The following MNAT1 variants were observed in gnomAD, a reference collection of about 807,000 sequenced individuals.
The protein encoded by MNAT1 is CDK-activating kinase assembly factor MAT1.
In MNAT1, 43 loss-of-function variants were observed where a neutral mutation model predicts 42.0. The ratio of observed to expected loss-of-function variants is 1.02; its 90% CI spans 0.80 to 1.32. The LOEUF is 1.32. MNAT1 is among the 40% of genes most tolerant of loss of function. The pLI, the probability that MNAT1 is intolerant of heterozygous loss-of-function variation, is 0.00. For missense variants in MNAT1, 306 were observed against 350.4 expected, an observed-to-expected ratio of 0.87 and a Z score of 1.01; for synonymous variants, 118 against 120.0, an observed-to-expected ratio of 0.98 and a Z score of 0.11.
At chr14:60,765,113 T>C (rs1367856019) in intron 1 of MNAT1, among the ~76,000 whole-genome samples, 1 of 152,168 alleles carries the variant, frequency 6.6e-6, no homozygotes, top group Non-Finnish European at 1.5e-5. Context: ...TTAGCTGGGC[T>C]TGCGGCGCAT....
intron 7 of MNAT1, among the ~76,000 whole-genome samples, chr14:60,952,943 C>T (rs945500857): frequency 2.6e-5 from 4 of 151,848 alleles, no homozygotes; most frequent in Non-Finnish European, 5.9e-5. Flanking sequence ...GAGTGTGGCC[C>T]GGGGCATAGA....
rs2030646355 is a variant in MNAT1, at chr14:60,762,538, T to G, written c.89+27587T>G. 2.6e-5 allele frequency among the ~76,000 whole-genome samples: 4 copies of G among 151,992 alleles called. 1 individual carries two copies. In the South Asian group the frequency reaches 8.3e-4, roughly 32 times the overall value. On this transcript the variant is annotated intron_variant, in intron 1 of 7. Transcript: ENST00000261245. ...AATGACATCTCTACTAAATGTCATC[T>G]CTACTAAAAATACAAAAATTAGCCA...
chr14:60,794,968 C>T (rs1439813229), intron 1 of MNAT1, among the ~76,000 whole-genome samples: 1 of 151,878 alleles, frequency 6.6e-6, no homozygotes, highest in Non-Finnish European at 1.5e-5. Flanking sequence ...ACAAGATAGG[C>T]AACATTCTGT....
intron 7 of MNAT1, among the ~76,000 whole-genome samples, chr14:60,935,167 C>T (rs1188993332): frequency 1.3e-5 from 2 of 152,064 alleles, no homozygotes; most frequent in Non-Finnish European, 2.9e-5. Flanking sequence ...CAGTTAGTTT[C>T]ACTATATGTA....
rs2033098033 is a variant in MNAT1, at chr14:60,827,837, A to G, written c.687+8990A>G. Among the ~76,000 whole-genome samples, 3 of 152,174 alleles carry G rather than the reference A, an allele frequency of 2.0e-5. No individual in the cohort carries two copies. In the South Asian group the frequency reaches 6.2e-4, roughly 32 times the overall value. ...TTAACTAGGTGAGTATCAGGTGATT[A>G]CTTTCTCTTAGCTTTTAAATGTCTC... is the stretch of plus-strand genomic sequence containing the variant. On this transcript the variant is annotated intron_variant, in intron 6 of 7. Coordinates refer to ENST00000261245, the MANE Select transcript of MNAT1 (RefSeq NM_002431.4).
chr14:60,810,432 A>G (rs545901632), intron 4 of MNAT1, among the ~76,000 whole-genome samples: 1 of 152,144 alleles, frequency 6.6e-6, no homozygotes, highest in South Asian at 2.1e-4. Context: ...ATGTAAAGCC[A>G]GGTTGTTATT....
intron 7 of MNAT1, among the ~76,000 whole-genome samples, chr14:60,914,970 A>G (rs574533453): frequency 1.3e-5 from 2 of 152,380 alleles, no homozygotes; most frequent in East Asian, 3.9e-4. Flanking sequence ...CTAGATGACC[A>G]GCCAGCGTTG....
At chr14:60,774,180 T>C (rs1323909832) in intron 1 of MNAT1, among the ~76,000 whole-genome samples, 1 of 152,134 alleles carries the variant, frequency 6.6e-6, no homozygotes, top group African/African-American at 2.4e-5. Context: ...GGAGGAAGAC[T>C]TAGGAGTAGG....
intron 6 of MNAT1, among the ~76,000 whole-genome samples, chr14:60,864,469 G>A (rs960568598): frequency 6.6e-6 from 1 of 151,946 alleles, no homozygotes; most frequent in Non-Finnish European, 1.5e-5. Flanking sequence ...TAAAATCTGA[G>A]TAGGTTACTT....
intron 6 of MNAT1, among the ~76,000 whole-genome samples, chr14:60,854,882 G>A (rs1305297271): frequency 2.0e-5 from 3 of 152,144 alleles, no homozygotes; most frequent in Non-Finnish European, 4.4e-5. Context: ...GAGCTGGCAG[G>A]CAGGAACAAT....
rs149812414 is a variant in MNAT1, at chr14:60,853,029, G to A, written c.688-26685G>A. On this transcript the variant is annotated intron_variant, in intron 6 of 7. Transcript: ENST00000261245. ...GCTTAGGATTGTCTTGGCTATACAG[G>A]CTCTTTTTTGGTTCCATATGAAATT... Among the ~76,000 whole-genome samples the A allele has an allele frequency of 4.5e-3, 682 of 152,210 alleles. 25 individuals are homozygous for A. The East Asian group carries it at 0.087, about 20-fold the overall frequency.
At chr14:60,767,767 T>G (rs1429155597) in intron 1 of MNAT1, among the ~76,000 whole-genome samples, 2 of 18,048 alleles carry the variant, frequency 1.1e-4, no homozygotes, top group Non-Finnish European at 1.6e-4. Flanking sequence ...CACTTGGCTA[T>G]TTTTTTTGTT....
chr14:60,945,168 A>G (rs2036246769), intron 7 of MNAT1, among the ~76,000 whole-genome samples: 1 of 152,216 alleles, frequency 6.6e-6, no homozygotes, highest in African/African-American at 2.4e-5. Context: ...GGTATACTTC[A>G]GGGGTTAAGA....
chr14:60,887,143 T>C (rs1407311883), intron 7 of MNAT1, among the ~76,000 whole-genome samples: 1 of 152,198 alleles, frequency 6.6e-6, no homozygotes, highest in Non-Finnish European at 1.5e-5. Context: ...TTCATTCTAT[T>C]GATGAGTTGT....
At chr14:60,856,552 C>T (rs1184444752) in intron 6 of MNAT1, among the ~76,000 whole-genome samples, 4 of 152,120 alleles carry the variant, frequency 2.6e-5, no homozygotes, top group African/African-American at 9.7e-5. Flanking sequence ...AAGATGATGC[C>T]ATCTAGGATT....
At chr14:60,938,107 C>G (rs943889130) in intron 7 of MNAT1, among the ~76,000 whole-genome samples, 2 of 152,180 alleles carry the variant, frequency 1.3e-5, no homozygotes, top group African/African-American at 2.4e-5. Context: ...AGTTGCCTAT[C>G]AGCTTGAGGA....
chr14:60,798,368 GA>G (rs575251562), intron 3 of MNAT1, among the ~76,000 whole-genome samples: 6 of 152,116 alleles, frequency 3.9e-5, no homozygotes, highest in Non-Finnish European at 8.8e-5. Flanking sequence ...TGTCTTTTAG[GA>G]AAAATATGTT....
In MNAT1 at chr14:60,740,646, T is replaced by G. The variant is rs2140283171; in HGVS notation, c.89+5695T>G. Among the ~76,000 whole-genome samples, 1 of 152,308 alleles carries G rather than the reference T, an allele frequency of 6.6e-6. No homozygotes were observed. The highest frequency in any genetic ancestry group is 2.1e-4 in the South Asian group (1 of 4,828). The stretch of plus-strand genomic sequence containing the variant: ...TGGGTAGAAAATTAGGAAAAGGCAC[T>G]TATTTTAGGTGGAAGATTTAGAACA... On this transcript the variant is annotated intron_variant, in intron 1 of 7. Coordinates refer to ENST00000261245, the MANE Select transcript of MNAT1 (RefSeq NM_002431.4). The surrounding 1 kb of genome is among the most constrained non-coding windows in gnomAD (Gnocchi z 4.1).
At chr14:60,936,215 C>T (rs2035992105) in intron 7 of MNAT1, among the ~76,000 whole-genome samples, 1 of 152,008 alleles carries the variant, frequency 6.6e-6, no homozygotes, top group African/African-American at 2.4e-5. Context: ...TCCGGAGACC[C>T]CTTTTTTGTG....
Sources: allele counts gnomAD v4.1 joint callset (sites outside exome capture counted in the v4.1 genomes callset), GRCh38; gene constraint gnomAD v4.1.1; non-coding constraint Gnocchi (gnomAD v3.1); transcripts MANE v1.5; gene names NCBI Gene and HGNC (gene_info 2026-07-23, HGNC 2026-07-21).